Variants in MYO5C observed in about 807,000 individuals in gnomAD.
The protein encoded by MYO5C is myosin VC, also known as unconventional myosin-Vc.
Under a neutral mutation model 235.7 loss-of-function variants are expected in MYO5C, and 194 were observed. The observed-to-expected ratio is 0.82, with a 90% CI of 0.73 to 0.93. The LOEUF (loss-of-function observed/expected upper bound fraction) is 0.93, where lower values mean the gene tolerates loss of function less well. MYO5C is among the 40% of genes least tolerant of loss of function. MYO5C has a pLI of 0.00. For synonymous variants in MYO5C, 707 were observed against 754.8 expected (o/e 0.94, Z 1.04); for missense variants, 2,038 against 2,127.2 (o/e 0.96, Z 0.82).
intron 8 of MYO5C, among the ~76,000 whole-genome samples, chr15:52,266,560 C>T (rs571231814): frequency 1.5e-3 from 235 of 152,280 alleles, no homozygotes; most frequent in African/African-American, 5.1e-3. Flanking sequence ...GTATTTTCCA[C>T]GCATCAGCTC....
chr15:52,216,356 A>G (rs111949779), intron 32 of MYO5C, among the ~76,000 whole-genome samples: 374 of 152,256 alleles, frequency 2.5e-3, no homozygotes, highest in Middle Eastern at 0.01. Context: ...CCAGAGCTAC[A>G]GGCATGCACC....
intron 7 of MYO5C, among the ~76,000 whole-genome samples, chr15:52,271,142 A>G (rs564108725): frequency 6.6e-6 from 1 of 152,316 alleles, no homozygotes; most frequent in South Asian, 2.1e-4. Flanking sequence ...TTCAAATAAA[A>G]TGGAAAGTTT....
intron 18 of MYO5C, among the ~76,000 whole-genome samples, chr15:52,244,827 C>T (rs2036304253): frequency 6.6e-6 from 1 of 152,200 alleles, no homozygotes; most frequent in Non-Finnish European, 1.5e-5. Flanking sequence ...CGGCGATTCT[C>T]AGTTGGGCTG....
At chr15:52,295,502 G>T (rs2037482106) in intron 1 of MYO5C, 108 bp downstream of exon 1, 3 of 1,302,200 alleles carry the variant, frequency 2.3e-6, no homozygotes, top group East Asian at 3.1e-5. Context: ...CCGCCCTGCC[G>T]TGTCAGGTGC....
chr15:52,246,981 G>C lies in MYO5C; in HGVS notation c.1915C>G (p.Leu639Val). Reference sequence around the variant, plus strand: ...ACGTAGTGGGGCGTCGTCGCATTGAGGGTCTCCATGAGCAAGTACAGAGAG... The same window carrying C: ...ACGTAGTGGGGCGTCGTCGCATTGACGGTCTCCATGAGCAAGTACAGAGAG... ...RSSLYLLMET[L>V]NATTPHYVRC... The change falls in exon 16 of 41, where the codon CTC (leucine) becomes GTC (valine). Residue 639 changes from leucine to valine, a missense_variant. Leu to Val is a conservative substitution (Grantham distance 32, BLOSUM62 1). Transcript: ENST00000261839. The C allele has an allele frequency of 6.2e-7, 1 of 1,614,074 alleles. No individual in the cohort carries two copies. The highest frequency in any genetic ancestry group is 8.5e-7 in the Non-Finnish European group (1 of 1,179,974).
intron 40 of MYO5C, among the ~76,000 whole-genome samples, chr15:52,194,768 C>T (rs1016780779): frequency 7.9e-5 from 12 of 151,064 alleles, no homozygotes; most frequent in South Asian, 2.1e-4. Flanking sequence ...ATCATATATA[C>T]GATATATCAT....
chr15:52,262,322 T>G (rs2036715687), intron 9 of MYO5C, among the ~76,000 whole-genome samples: 1 of 152,224 alleles, frequency 6.6e-6, no homozygotes, highest in Admixed American at 6.5e-5. Flanking sequence ...CAAAGGATTT[T>G]CAGTCAATCA....
chr15:52,285,502 CCT>C (rs1380849723), intron 1 of MYO5C, among the ~76,000 whole-genome samples: 1 of 151,976 alleles, frequency 6.6e-6, no homozygotes, highest in Non-Finnish European at 1.5e-5. Flanking sequence ...CCGTCCTCTC[CCT>C]CTCTTTCCAC....
intron 22 of MYO5C, 128 bp downstream of exon 22, chr15:52,237,352 GGT>G (rs2036108530): frequency 8.0e-6 from 9 of 1,126,364 alleles, no homozygotes; most frequent in Non-Finnish European, 1.1e-5. Flanking sequence ...GGCTCCCTTT[GGT>G]AATGGAAGTT....
rs372865087 is a variant in MYO5C at position 52,274,670 on chromosome 15, A to ACCC, written c.606+889_606+891dup. 5.0e-3 allele frequency among the ~76,000 whole-genome samples: 681 copies of ACCC among 136,704 alleles called. 29 individuals are homozygous for ACCC. In the East Asian group the frequency reaches 0.053, roughly 11 times the overall value. The allele number at this position is 136,704 out of a possible 152,430, so 89.7% of individuals were successfully genotyped here. On this transcript the variant is annotated intron_variant, in intron 5 of 40. Transcript: ENST00000261839. ...TATGAGCTTTGCAGTGTTTCTTAGTACCCCCCCCCCGACATATGTTTCTAT... is the reference window on the plus strand; with the variant it reads ...TATGAGCTTTGCAGTGTTTCTTAGTACCCCCCCCCCCCCGACATATGTTTCTAT...
intron 31 of MYO5C, 22 bp from the exon 32 acceptor site, chr15:52,218,709 G>A: frequency 6.2e-7 from 1 of 1,612,662 alleles, no homozygotes; most frequent in Non-Finnish European, 8.5e-7. Context: ...AGGGAGGAAT[G>A]GCTGGTATCA....
chr15:52,259,381 C>G (rs1222199106), intron 10 of MYO5C, among the ~76,000 whole-genome samples: 1 of 143,546 alleles, frequency 7.0e-6, no homozygotes, highest in East Asian at 2.0e-4. Flanking sequence ...GATGGTGCCA[C>G]TGCACTCCAG....
chr15:52,232,488 T>C, intron 24 of MYO5C, 134 bp downstream of exon 24: 1 of 792,790 alleles, frequency 1.3e-6, no homozygotes, highest in Non-Finnish European at 2.2e-6. Context: ...CATAAATCTC[T>C]AATCTCACTT....
intron 10 of MYO5C, among the ~76,000 whole-genome samples, chr15:52,260,282 C>T (rs573440984): frequency 4.6e-5 from 7 of 152,184 alleles, no homozygotes; most frequent in Non-Finnish European, 8.8e-5. Context: ...CCTTCTCACC[C>T]AAGAACGGAA....
At chr15:52,219,319 G>T (rs917493112) in intron 31 of MYO5C, among the ~76,000 whole-genome samples, 1 of 152,196 alleles carries the variant, frequency 6.6e-6, no homozygotes, top group Non-Finnish European at 1.5e-5. Flanking sequence ...TAGCAATGAA[G>T]ATTTTCCATC....
chr15:52,239,632 A>G, intron 21 of MYO5C, 101 bp downstream of exon 21: 2 of 1,316,840 alleles, frequency 1.5e-6, no homozygotes, highest in Non-Finnish European at 2.1e-6. Flanking sequence ...GAACCTCCTA[A>G]CATGGCATAA....
At chr15:52,264,341 C>G (rs1182830854) in intron 8 of MYO5C, 45 bp from the exon 9 acceptor site, 2 of 1,450,290 alleles carry the variant, frequency 1.4e-6, no homozygotes, top group Non-Finnish European at 1.9e-6. Flanking sequence ...CATCTCTTCT[C>G]TGACTAGTAA....
At position 52,221,183 on chromosome 15, in the gene MYO5C, C is replaced by A; in HGVS notation, c.3700G>T (p.Glu1234Ter). The change falls in exon 30 of 41, where the codon GAA becomes TAA. Residue 1234 changes from glutamate (E) to a stop codon, truncating the protein, a stop_gained. Coordinates refer to ENST00000261839, the MANE Select transcript of MYO5C (RefSeq NM_018728.4). LOFTEE classifies it high-confidence loss of function. Reference protein sequence around the residue: ...QKQDLEIRLNEQAEKMKGKLE... With the variant: ...QKQDLEIRLN ...TTACCTTTCATTTTCTCAGCTTGTT[C>A]ATTCAGGCGGATTTCAAGATCTTGC... 3 of 1,612,688 alleles carry A rather than the reference C, an allele frequency of 1.9e-6. No individual in the cohort carries two copies. The highest frequency in any genetic ancestry group is 2.2e-5 in the South Asian group (2 of 90,658).
At chr15:52,264,351 A>T (rs768314421) in intron 8 of MYO5C, 55 bp from the exon 9 acceptor site, 82 of 1,362,186 alleles carry the variant, frequency 6.0e-5, no homozygotes, top group Non-Finnish European at 7.8e-5. Flanking sequence ...CTGACTAGTA[A>T]GATGGGCACC....
Sources: gnomAD v4.1 joint callset for allele counts (sites outside exome capture counted in the v4.1 genomes callset) on GRCh38, gnomAD v4.1.1 for gene constraint, MANE v1.5 for transcripts, NCBI Gene and HGNC (gene_info 2026-07-23, HGNC 2026-07-21) for gene names.